GALNT17: variants seen among roughly 807,000 people sequenced by gnomAD.
GALNT17 encodes the protein polypeptide N-acetylgalactosaminyltransferase 17, also known as UDP-GalNAc:polypeptide N-acetylgalactosaminyltransferase-like 3.
In GALNT17, 29 loss-of-function variants were observed where a neutral mutation model predicts 63.7. The observed-to-expected ratio is 0.46, with a 90% CI of 0.34 to 0.62. The LOEUF is 0.62. GALNT17 is among the 20% of genes least tolerant of loss of function. The pLI, the probability that GALNT17 is intolerant of heterozygous loss-of-function variation, is 0.01. For synonymous variants in GALNT17, 305 were observed against 318.3 expected (o/e 0.96, Z 0.45); for missense variants, 603 against 799.6 (o/e 0.75, Z 2.97).
intron 9 of GALNT17, among the ~76,000 whole-genome samples, chr7:71,678,733 T>C (rs1223223668): frequency 6.6e-6 from 1 of 151,398 alleles, no homozygotes; most frequent in Non-Finnish European, 1.5e-5. Flanking sequence ...AGGTGGAGCT[T>C]GCAGTGAGCC....
chr7:71,254,082 G>A (rs1477741014), intron 1 of GALNT17, among the ~76,000 whole-genome samples: 1 of 152,184 alleles, frequency 6.6e-6, no homozygotes, highest in African/African-American at 2.4e-5. Context: ...GGTGTGCATT[G>A]GCACTGTCCT....
chr7:71,388,305 C>T lies in GALNT17; in HGVS notation c.493C>T (p.Leu165=). The change falls in exon 3 of 11, where the codon CTG becomes TTG. Residue 165 remains leucine, a synonymous_variant. Coordinates refer to ENST00000333538, the MANE Select transcript of GALNT17 (RefSeq NM_022479.3). ...CATATTCATCTTCGTGAACGAGGCC[C>T]TGTCGGTGATCCTGCGGTCCGTGCA... is the stretch of plus-strand genomic sequence containing the variant. The part of the protein sequence containing the change: ...SIIFIFVNEA[L]SVILRSVHSA... The T allele has an allele frequency of 6.2e-7, 1 of 1,614,042 alleles. No homozygotes were observed. Among genetic ancestry groups the T allele is most frequent in the Non-Finnish European group, 8.5e-7 (1 of 1,180,004 alleles).
chr7:71,646,632 A>G (rs529134566), intron 6 of GALNT17, among the ~76,000 whole-genome samples: 1 of 152,292 alleles, frequency 6.6e-6, no homozygotes, highest in South Asian at 2.1e-4. Context: ...TGGCTGTAAC[A>G]AAAGCAAGTG....
intron 1 of GALNT17, among the ~76,000 whole-genome samples, chr7:71,223,606 G>A (rs1789626920): frequency 6.6e-6 from 1 of 151,896 alleles, no homozygotes; most frequent in African/African-American, 2.4e-5. Flanking sequence ...TTGTTACACA[G>A]GTGAACTCAT....
intron 4 of GALNT17, among the ~76,000 whole-genome samples, chr7:71,419,111 C>T (rs1786611020): frequency 6.6e-6 from 1 of 152,130 alleles, no homozygotes; most frequent in Non-Finnish European, 1.5e-5. Context: ...TCATTGGAAC[C>T]AAGGTCTTCT....
intron 8 of GALNT17, among the ~76,000 whole-genome samples, chr7:71,673,137 A>G (rs1174243197): frequency 1.3e-5 from 2 of 152,218 alleles, no homozygotes; most frequent in African/African-American, 2.4e-5. Flanking sequence ...AAGCAATTTG[A>G]GCCACATGTA....
At chr7:71,665,695 C>T (rs1454906965) in intron 7 of GALNT17, 99 bp downstream of exon 7, 2 of 1,389,718 alleles carry the variant, frequency 1.4e-6, no homozygotes, top group Non-Finnish European at 1.9e-6. Context: ...CCAGAAAATG[C>T]TCATGCTTAG....
chr7:71,621,545 T>TGATAGATG (rs1790293636), intron 6 of GALNT17, among the ~76,000 whole-genome samples: 5 of 87,338 alleles, frequency 5.7e-5, no homozygotes, highest in Admixed American at 1.5e-4. Context: ...ATTGATGGAT[T>TGATAGATG]GATGGATAGA....
intron 5 of GALNT17, among the ~76,000 whole-genome samples, chr7:71,491,731 C>G: frequency 6.6e-6 from 1 of 152,170 alleles, no homozygotes; most frequent in Admixed American, 6.6e-5. Flanking sequence ...GTTTCTGATT[C>G]CCTAGGTCAG....
intron 1 of GALNT17, among the ~76,000 whole-genome samples, chr7:71,327,477 G>A (rs184878090): frequency 6.6e-6 from 1 of 152,224 alleles, no homozygotes; most frequent in East Asian, 1.9e-4. Flanking sequence ...CTCCCACTGG[G>A]TCCCTCCCAC....
At chr7:71,410,340 G>C (rs966081607) in intron 3 of GALNT17, among the ~76,000 whole-genome samples, 1 of 151,754 alleles carries the variant, frequency 6.6e-6, no homozygotes, top group Non-Finnish European at 1.5e-5. Context: ...CCACCTCCCA[G>C]GTTCAAGGGA....
intron 2 of GALNT17, among the ~76,000 whole-genome samples, chr7:71,378,351 G>A (rs779423533): frequency 1.3e-5 from 2 of 152,092 alleles, no homozygotes; most frequent in East Asian, 1.9e-4. Flanking sequence ...TGCAAGGTTC[G>A]CTGTTGCCAA....
In GALNT17 at chr7:71,607,172, A is replaced by G. The variant is rs142120736; in HGVS notation, c.1080+35770A>G. Among the ~76,000 whole-genome samples, 743 of 152,228 alleles carry G rather than the reference A, an allele frequency of 4.9e-3. 15 individuals carry two copies. Among genetic ancestry groups the G allele is most frequent in the African/African-American group, 0.017 (713 of 41,528 alleles). On this transcript the variant is annotated intron_variant, in intron 6 of 10. Transcript: ENST00000333538. Reference sequence around the variant, plus strand: ...AGGTGACAGAGTGAGACCCTACCTAAGAGAAAAAAAGGAAAATACAAATTG... The same window carrying G: ...AGGTGACAGAGTGAGACCCTACCTAGGAGAAAAAAAGGAAAATACAAATTG...
chr7:71,327,514 A>G (rs1332635228), intron 1 of GALNT17, among the ~76,000 whole-genome samples: 24 of 152,142 alleles, frequency 1.6e-4, no homozygotes, highest in Non-Finnish European at 5.9e-5. Flanking sequence ...GGGAGCTACA[A>G]TTAAAAATGA....
intron 1 of GALNT17, among the ~76,000 whole-genome samples, chr7:71,157,385 C>T (rs1297662541): frequency 4.6e-5 from 7 of 150,640 alleles, no homozygotes; most frequent in African/African-American, 9.8e-5. Context: ...TGGCTGGGCG[C>T]GGTGGCTCAT....
intron 5 of GALNT17, among the ~76,000 whole-genome samples, chr7:71,431,612 C>T (rs533621370): frequency 2.0e-5 from 3 of 152,240 alleles, no homozygotes; most frequent in Admixed American, 1.3e-4. Flanking sequence ...AGCTGGGATT[C>T]GGATGTAGTC....
At chr7:71,624,212 A>C (rs562193108) in intron 6 of GALNT17, among the ~76,000 whole-genome samples, 17 of 152,206 alleles carry the variant, frequency 1.1e-4, no homozygotes, top group Non-Finnish European at 2.2e-4. Context: ...AGATGAATGG[A>C]GTGAACATTG....
At chr7:71,678,956 CA>C (rs35898355) in intron 9 of GALNT17, among the ~76,000 whole-genome samples, 6,566 of 113,968 alleles carry the variant, frequency 0.058, 169 homozygotes, top group African/African-American at 0.11. Context: ...GACTCCATCT[CA>C]AAAAAAAAAA....
At chr7:71,305,252 T>G (rs1013689148) in intron 1 of GALNT17, among the ~76,000 whole-genome samples, 4 of 152,200 alleles carry the variant, frequency 2.6e-5, no homozygotes, top group Admixed American at 2.0e-4. Flanking sequence ...TTTTTTGGGA[T>G]AGTTTTTCCC....
Sources: allele counts gnomAD v4.1 joint callset (sites outside exome capture counted in the v4.1 genomes callset), GRCh38; gene constraint gnomAD v4.1.1; transcripts MANE v1.5; gene names NCBI Gene and HGNC (gene_info 2026-07-23, HGNC 2026-07-21).